DPP6: variants seen among roughly 807,000 people sequenced by gnomAD.
DPP6 encodes A-type potassium channel modulatory protein DPP6.
Under a neutral mutation model 122.6 loss-of-function variants are expected in DPP6, and 69 were observed. That is an observed-to-expected ratio of 0.56 (90% CI 0.46 to 0.69). DPP6 has a LOEUF of 0.69. DPP6 is among the 30% of genes least tolerant of loss of function. The pLI, the probability that DPP6 is intolerant of heterozygous loss-of-function variation, is 0.00. For missense variants in DPP6, 928 were observed against 1,116.9 expected (o/e 0.83, Z 2.41); for synonymous variants, 418 against 433.1 (o/e 0.97, Z 0.43).
At chr7:153,768,542 C>T in the DPP6 span, among the ~76,000 whole-genome samples, 1 of 152,128 alleles carries the variant, frequency 6.6e-6, no homozygotes, top group Non-Finnish European at 1.5e-5. Flanking sequence ...TATCACCTTT[C>T]TGGATGTGGG....
chr7:154,545,497 A>ATCCATCCT (rs1554582545), intron 4 of DPP6, among the ~76,000 whole-genome samples: 117 of 122,034 alleles, frequency 9.6e-4, no homozygotes, highest in Non-Finnish European at 1.6e-3. Flanking sequence ...CCTTCCTTCC[A>ATCCATCCT]TCCTTCCTTC....
chr7:154,305,258 C>T, intron 1 of DPP6: 2 of 1,275,800 alleles, frequency 1.6e-6, no homozygotes, highest in Non-Finnish European at 2.0e-6. Context: ...ATTGGAGAAG[C>T]CCCACTAAGC....
intron 6 of DPP6, among the ~76,000 whole-genome samples, chr7:154,649,564 G>C (rs934238753): frequency 2.0e-5 from 3 of 152,152 alleles, no homozygotes; most frequent in African/African-American, 7.2e-5. Flanking sequence ...ACTGTGTATG[G>C]CAGGTGGAAT....
the DPP6 span, among the ~76,000 whole-genome samples, chr7:153,843,510 G>T: frequency 1.5e-5 from 1 of 66,680 alleles, no homozygotes; most frequent in Non-Finnish European, 2.8e-5. Flanking sequence ...AACTGGGTCC[G>T]GGGGGTCACC....
chr7:154,413,263 A>T (rs971054625), intron 1 of DPP6, among the ~76,000 whole-genome samples: 1 of 152,052 alleles, frequency 6.6e-6, no homozygotes, highest in African/African-American at 2.4e-5. Context: ...TTCTCCAGGG[A>T]CTCATTTCCC....
At position 154,141,332 on chromosome 7, in the gene DPP6, T is replaced by C. The variant is rs118085098; in HGVS notation, c.243+88269T>C. 4.6e-5 allele frequency among the ~76,000 whole-genome samples: 7 copies of C among 152,336 alleles called. No homozygotes were observed. The East Asian group carries it at 1.4e-3, about 29-fold the overall frequency. Reference sequence around the variant, plus strand: ...AACACCATATGCACCTTACGACTCTTTTCCCCACCCCTCCTCAGTGCGACT... The same window carrying C: ...AACACCATATGCACCTTACGACTCTCTTCCCCACCCCTCCTCAGTGCGACT... On this transcript the variant is annotated intron_variant, in intron 1 of 25. Transcript: ENST00000377770.
intron 3 of DPP6, among the ~76,000 whole-genome samples, chr7:154,517,962 C>T (rs184718896): frequency 1.3e-5 from 2 of 152,104 alleles, no homozygotes; most frequent in Admixed American, 6.6e-5. Context: ...CCGGCTCCAC[C>T]GATAGCTATA....
chr7:154,648,328 G>A (rs1836640608), intron 6 of DPP6, among the ~76,000 whole-genome samples: 1 of 151,938 alleles, frequency 6.6e-6, no homozygotes, highest in Non-Finnish European at 1.5e-5. Flanking sequence ...AAGCACTGGG[G>A]ATGGATAGGG....
chr7:154,292,706 C>A (rs1167923744), intron 1 of DPP6, among the ~76,000 whole-genome samples: 1 of 152,180 alleles, frequency 6.6e-6, no homozygotes, highest in Non-Finnish European at 1.5e-5. Context: ...TAAAAGGAAT[C>A]CTGTGTCCAC....
chr7:153,921,649 A>G (rs558883437), intron 1 of DPP6, among the ~76,000 whole-genome samples: 1 of 152,350 alleles, frequency 6.6e-6, no homozygotes, highest in South Asian at 2.1e-4. Context: ...TTTCATCTCC[A>G]GCAAGCTCTG....
At position 154,499,916 on chromosome 7, in the gene DPP6, C is replaced by T. The variant is rs928490306; in HGVS notation, c.457+24879C>T. ...GTTATTATCGTGAAAGGATACAGAA[C>T]AAAATTATCAAAAGGAAAAGGCACA... On this transcript the variant is annotated intron_variant, in intron 3 of 25. Transcript: ENST00000377770. Among the ~76,000 whole-genome samples the T allele has an allele frequency of 6.6e-5, 10 of 152,038 alleles. 1 individual carries two copies. Among genetic ancestry groups the T allele is most frequent in the African/African-American group, 2.4e-4 (10 of 41,370 alleles).
At chr7:154,245,624 T>G (rs1801927658) in intron 1 of DPP6, among the ~76,000 whole-genome samples, 1 of 76,758 alleles carries the variant, frequency 1.3e-5, no homozygotes, top group Non-Finnish European at 2.4e-5. Flanking sequence ...GCAACAAGAG[T>G]AAGACTGTCT....
In DPP6 at chr7:154,524,276, G is replaced by A. The variant is rs558389749; in HGVS notation, c.458-16256G>A. Among the ~76,000 whole-genome samples, 3 of 152,280 alleles carry A rather than the reference G, an allele frequency of 2.0e-5. No homozygotes were observed. The South Asian group carries it at 6.2e-4, about 32-fold the overall frequency. ...ATGTATTCACTGTGTCTTCATCACC[G>A]ATAGCATTATTCTTTTGGTGTTTGG... On this transcript the variant is annotated intron_variant, in intron 3 of 25. Transcript: ENST00000377770.
rs561369115 is a variant in DPP6 at position 154,510,337 on chromosome 7, T to C, written c.458-30195T>C. On this transcript the variant is annotated intron_variant, in intron 3 of 25. Transcript: ENST00000377770. Reference sequence around the variant, plus strand: ...ACTTTAAGAAAAATGTATATACAAATGGAGCTAACCTCAGAACTTAAAAAT... The same window carrying C: ...ACTTTAAGAAAAATGTATATACAAACGGAGCTAACCTCAGAACTTAAAAAT... 7.9e-5 allele frequency among the ~76,000 whole-genome samples: 12 copies of C among 152,200 alleles called. No homozygotes were observed. In the South Asian group the frequency reaches 2.5e-3, roughly 32 times the overall value.
At chr7:153,785,451 C>A in the DPP6 span, among the ~76,000 whole-genome samples, 1 of 152,100 alleles carries the variant, frequency 6.6e-6, no homozygotes, top group African/African-American at 2.4e-5. Flanking sequence ...TAGGGGTAAT[C>A]TCATCCCCTA....
the DPP6 span, among the ~76,000 whole-genome samples, chr7:153,769,133 C>G: frequency 6.6e-6 from 1 of 152,176 alleles, no homozygotes; most frequent in Admixed American, 6.5e-5. Flanking sequence ...CCATTGATCT[C>G]AAAGCTTTCT....
chr7:154,756,907 G>A (rs1316600832), intron 8 of DPP6, among the ~76,000 whole-genome samples: 5 of 128,192 alleles, frequency 3.9e-5, no homozygotes, highest in African/African-American at 9.1e-5. Context: ...CTTTCCACCC[G>A]TCACATCCCC....
At chr7:154,830,607 G>T (rs768899004) in intron 16 of DPP6, among the ~76,000 whole-genome samples, 1 of 152,232 alleles carries the variant, frequency 6.6e-6, no homozygotes, top group African/African-American at 2.4e-5. Context: ...AGCTCCAACT[G>T]GTTCTAAGCA....
Position 154,866,288 on chromosome 7 carries a change from TC to T in DPP6, c.1715-1705del, listed in dbSNP as rs569476052. ...TGCAGTCACTGTCTCATAAACCAACTCCTCTCACCTGAGTGTGTGCCTGGAG... is the reference window on the plus strand; with the variant it reads ...TGCAGTCACTGTCTCATAAACCAACTCTCTCACCTGAGTGTGTGCCTGGAG... On this transcript the variant is annotated intron_variant, in intron 17 of 25. Coordinates refer to ENST00000377770, the MANE Select transcript of DPP6 (RefSeq NM_130797.4). Among the ~76,000 whole-genome samples the T allele has an allele frequency of 3.7e-3, 566 of 152,306 alleles. 5 individuals are homozygous for T. The highest frequency in any genetic ancestry group is 7.1e-3 in the Admixed American group (109 of 15,306).
Sources: gnomAD v4.1 joint callset for allele counts (sites outside exome capture counted in the v4.1 genomes callset) on GRCh38, gnomAD v4.1.1 for gene constraint, MANE v1.5 for transcripts, NCBI Gene and HGNC (gene_info 2026-07-23, HGNC 2026-07-21) for gene names.